The following CPS1 variants were observed in gnomAD, a reference collection of about 807,000 sequenced individuals.
CPS1 encodes carbamoyl-phosphate synthase [ammonia], mitochondrial.
In CPS1, 109 loss-of-function variants were observed where a neutral mutation model predicts 174.6. The observed-to-expected ratio is 0.62, with a 90% CI of 0.53 to 0.73. The LOEUF is 0.73. Ranked by LOEUF, CPS1 falls within the 30% of genes least tolerant of loss-of-function variation. The pLI is 0.00. For missense variants in CPS1, 1,689 were observed against 1,821.9 expected (o/e 0.93, Z 1.33); for synonymous variants, 637 against 632.0 (o/e 1.01, Z -0.12).
rs1196892922 is a variant in CPS1, at chr2:210,535,215, C to T, written c.4-21504C>T. On this transcript the variant is annotated intron_variant, in intron 1 of 38. Transcript: ENST00000430249. ...TACCCCAGCTTTTGTGGTGGTCCTTCTGCCATGCCTGCCATGCTGCTTTGG... is the reference window on the plus strand; with the variant it reads ...TACCCCAGCTTTTGTGGTGGTCCTTTTGCCATGCCTGCCATGCTGCTTTGG... Among the ~76,000 whole-genome samples, 4 of 152,178 alleles carry T rather than the reference C, an allele frequency of 2.6e-5. 1 individual carries two copies. Among genetic ancestry groups the T allele is most frequent in the Admixed American group, 6.5e-5 (1 of 15,282 alleles).
In CPS1 at chr2:210,556,853, T is replaced by C; in HGVS notation, c.120T>C (p.Ser40=). 1 of 1,613,000 alleles carries C rather than the reference T, an allele frequency of 6.2e-7. No individual in the cohort carries two copies. Among genetic ancestry groups the C allele is most frequent in the Non-Finnish European group, 8.5e-7 (1 of 1,179,230 alleles). ...CAAGACCTGGCATCAGGCTCCTTTC[T>C]GTCAAGGTAATACCCATATTGATTG... is the stretch of plus-strand genomic sequence containing the variant. ...KFSRPGIRLL[S]VKAQTAHIVL... Residue 40 remains serine (S), a synonymous_variant, in exon 1 of 38, where the codon TCT becomes TCC. Transcript: ENST00000233072.
At chr2:210,555,587 C>G (rs1479926965), upstream of CPS1, 5 of 455,072 alleles carry the variant, frequency 1.1e-5, no homozygotes, top group Admixed American at 1.2e-4. Context: ...AGCACTGATT[C>G]TATGTTATTG....
rs867663585 is a variant in CPS1, at chr2:210,591,817, C to T, written c.948-14C>T. The T allele has an allele frequency of 1.2e-6, 2 of 1,611,210 alleles. No homozygotes were observed. The highest frequency in any genetic ancestry group is 8.5e-7 in the Non-Finnish European group (1 of 1,178,202). ...TTTTCCTTTTCCCTATTCTTTTTCT[C>T]CTTTTCTCTCCAGAGGGCAGAATCA... is the stretch of plus-strand genomic sequence containing the variant. On this transcript the variant is annotated splice_polypyrimidine_tract_variant and intron_variant, in intron 9 of 37. Coordinates refer to ENST00000233072, the MANE Select transcript of CPS1 (RefSeq NM_001875.5).
intron 1 of CPS1, among the ~76,000 whole-genome samples, chr2:210,531,898 CTAT>C (rs1696123698): frequency 6.6e-6 from 1 of 151,998 alleles, no homozygotes; most frequent in African/African-American, 2.4e-5. Context: ...CAGTTTTTTT[CTAT>C]TATTTGTTGG....
intron 2 of CPS1, among the ~76,000 whole-genome samples, chr2:210,575,718 C>A (rs1409398495): frequency 6.6e-6 from 1 of 151,998 alleles, no homozygotes; most frequent in Non-Finnish European, 1.5e-5. Context: ...TAATAACTTT[C>A]AAACTTATAT....
chr2:210,584,185 T>C (rs867425397), intron 6 of CPS1, among the ~76,000 whole-genome samples: 2 of 152,268 alleles, frequency 1.3e-5, no homozygotes, highest in South Asian at 2.1e-4. Flanking sequence ...AGCTTCTCTT[T>C]CCTAGGACTA....
intron 1 of CPS1, among the ~76,000 whole-genome samples, chr2:210,548,089 CAA>C (rs1336471177): frequency 6.6e-6 from 1 of 151,990 alleles, no homozygotes; most frequent in African/African-American, 2.4e-5. Context: ...ATTTTTAGCA[CAA>C]ATATTCTAAT....
chr2:210,518,678 T>C (rs989629119), intron 1 of CPS1, among the ~76,000 whole-genome samples: 1 of 152,020 alleles, frequency 6.6e-6, no homozygotes, highest in Non-Finnish European at 1.5e-5. Flanking sequence ...TTAACAGATG[T>C]GGGAGAGAAC....
chr2:210,596,091 C>G (rs761422163), intron 13 of CPS1, among the ~76,000 whole-genome samples: 13 of 151,790 alleles, frequency 8.6e-5, no homozygotes, highest in Non-Finnish European at 1.9e-4. Context: ...GTTCTCCCAT[C>G]AGTGCCTGGG....
rs562300068 is a variant in CPS1, at chr2:210,657,882, T to C, written c.3667-717T>C. Among the ~76,000 whole-genome samples, 59 of 152,324 alleles carry C rather than the reference T, an allele frequency of 3.9e-4. 1 individual carries two copies. In the South Asian group the frequency reaches 9.9e-3, roughly 26 times the overall value. On this transcript the variant is annotated intron_variant, in intron 30 of 37. Coordinates refer to ENST00000233072, the MANE Select transcript of CPS1 (RefSeq NM_001875.5). ...CAGTTTCTCATGTCAGGATAAATGA[T>C]CCTCAGAACTCAGGATTTTCCAAAT... is the stretch of plus-strand genomic sequence containing the variant.
chr2:210,638,828 T>C (rs1700118563), intron 22 of CPS1, among the ~76,000 whole-genome samples: 1 of 152,204 alleles, frequency 6.6e-6, no homozygotes, highest in Middle Eastern at 3.2e-3. Context: ...AGATTTCATA[T>C]ACAGCTGCTT....
At position 210,576,465 on chromosome 2, in the gene CPS1, A is replaced by G; in HGVS notation, c.356A>G (p.Lys119Arg). 1 of 1,613,640 alleles carries G rather than the reference A, an allele frequency of 6.2e-7. No homozygotes were observed. Among genetic ancestry groups the G allele is most frequent in the Middle Eastern group, 1.7e-4 (1 of 6,060 alleles). Residue 119 changes from lysine (K) to arginine (R), a missense_variant, in exon 3 of 38, where the codon AAA (lysine) becomes AGA (arginine). Physicochemically the swap from Lys to Arg is conservative, Grantham distance 26. Transcript: ENST00000233072. ...TTALDELGLS[K>R]YLESNGIKVS... ...GCTCTGGATGAACTGGGACTTAGCA[A>G]ATATTTGGAGTCTAATGGAATCAAG...
At chr2:210,639,504 C>T (rs1358394178) in intron 23 of CPS1, among the ~76,000 whole-genome samples, 1 of 149,310 alleles carries the variant, frequency 6.7e-6, no homozygotes, top group Non-Finnish European at 1.5e-5. Context: ...CCCAGCTACT[C>T]GGGAGGCTGA....
chr2:210,507,288 G>A (rs1169057333), intron 1 of CPS1, among the ~76,000 whole-genome samples: 1 of 152,128 alleles, frequency 6.6e-6, no homozygotes, highest in Non-Finnish European at 1.5e-5. Flanking sequence ...AGCTTCATAA[G>A]TGAAGGAGAA....
intron 10 of CPS1, 74 bp downstream of exon 10, chr2:210,592,043 C>T (rs1297748027): frequency 2.0e-6 from 3 of 1,463,748 alleles, no homozygotes; most frequent in Middle Eastern, 1.7e-4. Context: ...GATACATAAG[C>T]ATTGTATATA....
intron 7 of CPS1, 35 bp downstream of exon 7, chr2:210,588,182 G>A (rs894978816): frequency 3.2e-6 from 5 of 1,571,080 alleles, no homozygotes; most frequent in Middle Eastern, 1.7e-4. Flanking sequence ...GTGAGGGTTT[G>A]TCATATTGAC....
chr2:210,586,446 A>G (rs1158810676), intron 6 of CPS1, among the ~76,000 whole-genome samples: 1 of 152,044 alleles, frequency 6.6e-6, no homozygotes, highest in Non-Finnish European at 1.5e-5. Flanking sequence ...ATGATAGATG[A>G]TAGAATGTTA....
At chr2:210,663,374 A>T (rs1362278383) in intron 33 of CPS1, among the ~76,000 whole-genome samples, 177 bp downstream of exon 33, 3 of 152,202 alleles carry the variant, frequency 2.0e-5, no homozygotes, top group African/African-American at 7.2e-5. Flanking sequence ...ATAGGGTCTA[A>T]ATTCTTATTT....
rs1405743278 is a variant in CPS1, at chr2:210,505,434, C to A, written c.3+27668C>A. Among the ~76,000 whole-genome samples, 3 of 152,064 alleles carry A rather than the reference C, an allele frequency of 2.0e-5. No individual in the cohort carries two copies. In the East Asian group the frequency reaches 5.9e-4, roughly 30 times the overall value. On this transcript the variant is annotated intron_variant, in intron 1 of 38. Transcript: ENST00000430249. The stretch of plus-strand genomic sequence containing the variant: ...ACAGCAGAATCGGGCCAAATAGGAA[C>A]AGCTCCAGTCTACTGCTCCCGGCGT...
Sources: allele counts gnomAD v4.1 joint callset (sites outside exome capture counted in the v4.1 genomes callset), GRCh38; gene constraint gnomAD v4.1.1; transcripts MANE v1.5; gene names NCBI Gene and HGNC (gene_info 2026-07-23, HGNC 2026-07-21).